Variants in SIK3 observed in about 807,000 individuals in gnomAD.
SIK3 encodes the protein SIK family kinase 3.
SIK3 carries 28 observed loss-of-function variants against 144.2 expected under a neutral mutation model. That is an observed-to-expected ratio of 0.19 (90% CI 0.14 to 0.27). The LOEUF is 0.27. SIK3 is among the 10% of genes least tolerant of loss of function. The probability of loss-of-function intolerance (pLI) is 1.00; values close to 1 mark genes in which losing one functional copy is unlikely to be tolerated. For missense variants in SIK3, 1,319 were observed against 1,776.0 expected (o/e 0.74, Z 4.62); for synonymous variants, 686 against 676.3 (o/e 1.01, Z -0.22).
At chr11:117,014,245 T>A (rs1951425443) in intron 1 of SIK3, among the ~76,000 whole-genome samples, 1 of 151,954 alleles carries the variant, frequency 6.6e-6, no homozygotes, top group South Asian at 2.1e-4. Context: ...CTTACATCTC[T>A]TAGTATCTAC....
intron 1 of SIK3, among the ~76,000 whole-genome samples, chr11:116,993,345 T>G (rs2135568048): frequency 6.6e-6 from 1 of 152,322 alleles, no homozygotes; most frequent in South Asian, 2.1e-4. Context: ...ATACAACACC[T>G]TACATTCCTA....
intron 1 of SIK3, among the ~76,000 whole-genome samples, chr11:117,012,660 AC>A (rs1200413242): frequency 6.6e-6 from 1 of 152,026 alleles, no homozygotes; most frequent in Non-Finnish European, 1.5e-5. Flanking sequence ...ATCCTAGCTC[AC>A]CCTGGTAGCC....
At chr11:116,881,328 C>T (rs968121130) in intron 6 of SIK3, among the ~76,000 whole-genome samples, 1 of 152,010 alleles carries the variant, frequency 6.6e-6, no homozygotes, top group African/African-American at 2.4e-5. Context: ...AGACGCCAAG[C>T]GGTCTCCGCA....
chr11:117,035,268 A>T (rs777393522), intron 1 of SIK3, among the ~76,000 whole-genome samples: 8 of 152,334 alleles, frequency 5.3e-5, no homozygotes, highest in Non-Finnish European at 8.8e-5. Context: ...GCAATGAGGA[A>T]ATGAGGAATT....
chr11:116,947,167 A>ATAT (rs1565486957), intron 3 of SIK3, among the ~76,000 whole-genome samples: 6 of 118,380 alleles, frequency 5.1e-5, no homozygotes, highest in Non-Finnish European at 8.1e-5. Context: ...ATTATATATA[A>ATAT]ATTATTATTT....
At chr11:116,914,557 A>G (rs1267714018) in intron 4 of SIK3, among the ~76,000 whole-genome samples, 1 of 152,332 alleles carries the variant, frequency 6.6e-6, no homozygotes, top group South Asian at 2.1e-4. Flanking sequence ...AAGGTGAACA[A>G]GACAGACATG....
chr11:116,968,773 G>A (rs917639280), intron 1 of SIK3, among the ~76,000 whole-genome samples: 3 of 152,148 alleles, frequency 2.0e-5, no homozygotes, highest in South Asian at 2.1e-4. Flanking sequence ...GGAAATTGTC[G>A]TAACTGTGTA....
intron 4 of SIK3, among the ~76,000 whole-genome samples, chr11:116,916,812 T>A (rs985175120): frequency 4.9e-4 from 71 of 146,106 alleles, no homozygotes; most frequent in Non-Finnish European, 8.5e-4. Flanking sequence ...AAAAAAAAAA[T>A]TTTTTTTTTA....
In SIK3 at chr11:117,056,811, G is replaced by A. The variant is rs1591625261; in HGVS notation, c.273+41332C>T. Among the ~76,000 whole-genome samples, 5 of 152,204 alleles carry A rather than the reference G, an allele frequency of 3.3e-5. No homozygotes were observed. In the South Asian group the frequency reaches 1.0e-3, roughly 31 times the overall value. ...CCAAGGATATACCTACAAATTCAAG[G>A]ATGGTCCACCTTTGGCAATATTGGT... On this transcript the variant is annotated intron_variant, in intron 1 of 24. Transcript: ENST00000445177.
intron 4 of SIK3, among the ~76,000 whole-genome samples, chr11:116,897,895 A>G (rs975851620): frequency 4.6e-5 from 7 of 151,826 alleles, no homozygotes; most frequent in African/African-American, 1.7e-4. Flanking sequence ...AAAAAAAAAA[A>G]GAATGCAAAT....
At chr11:116,918,604 G>A (rs1946794166) in intron 4 of SIK3, among the ~76,000 whole-genome samples, 1 of 152,134 alleles carries the variant, frequency 6.6e-6, no homozygotes, top group Non-Finnish European at 1.5e-5. Context: ...GTGAGTAAGA[G>A]GAATCTATGG....
chr11:117,046,990 C>T (rs1271302902), intron 1 of SIK3, among the ~76,000 whole-genome samples: 2 of 152,162 alleles, frequency 1.3e-5, no homozygotes, highest in African/African-American at 2.4e-5. Context: ...GTAACAGAAT[C>T]TTTTTTTCCT....
chr11:117,014,183 G>A (rs1244795029), intron 1 of SIK3, among the ~76,000 whole-genome samples: 1 of 151,146 alleles, frequency 6.6e-6, no homozygotes, highest in Non-Finnish European at 1.5e-5. Context: ...CTGATGCCAA[G>A]GGCCTTACTT....
intron 1 of SIK3, among the ~76,000 whole-genome samples, chr11:117,009,229 T>C (rs1951162558): frequency 9.3e-6 from 1 of 107,004 alleles, no homozygotes; most frequent in Non-Finnish European, 1.8e-5. Flanking sequence ...TGAGACACTG[T>C]CTCAAAAAAA....
chr11:117,095,015 C>A (rs531579069), intron 1 of SIK3, among the ~76,000 whole-genome samples: 1 of 152,082 alleles, frequency 6.6e-6, no homozygotes, highest in South Asian at 2.1e-4. Flanking sequence ...ATAGGAAAAG[C>A]TTCACTTTTC....
At position 116,858,133 on chromosome 11, in the gene SIK3, A is replaced by G. The variant is rs753241027; in HGVS notation, c.3332T>C (p.Leu1111Pro). ...GACACATTCTTGTGCCCTGATTTGT[A>G]GCAGATGCTGGGGGCTGGTGTGATG... ...YHHHTSPQHL[L>P]QIRAQECVSQ... Residue 1111 changes from leucine to proline, a missense_variant, in exon 21 of 25, where the codon CTA (leucine) becomes CCA (proline). By Grantham distance (98) the Leu-to-Pro change is moderately conservative. Coordinates refer to ENST00000445177, the MANE Select transcript of SIK3 (RefSeq NM_001366686.3). The surrounding 1 kb of genome is among the most constrained non-coding windows in gnomAD (Gnocchi z 5.4). 4 of 1,614,122 alleles carry G rather than the reference A, an allele frequency of 2.5e-6. No homozygotes were observed. Among genetic ancestry groups the G allele is most frequent in the Non-Finnish European group, 8.5e-7 (1 of 1,180,030 alleles).
Position 116,924,007 on chromosome 11 carries a change from C to T in SIK3, c.616+3212G>A, listed in dbSNP as rs150592919. ...ATATAAAATTTCCTTAACAGCCGGG[C>T]GTGGTGGCTCACGCCTATAATCCCA... On this transcript the variant is annotated intron_variant, in intron 4 of 24. Coordinates refer to ENST00000445177, the MANE Select transcript of SIK3 (RefSeq NM_001366686.3). Among the ~76,000 whole-genome samples the T allele has an allele frequency of 1.0e-3, 152 of 152,226 alleles. 2 individuals carry two copies. The East Asian group carries it at 0.027, about 27-fold the overall frequency.
chr11:117,063,291 G>A (rs752005394), intron 1 of SIK3, among the ~76,000 whole-genome samples: 2 of 152,134 alleles, frequency 1.3e-5, no homozygotes, highest in Non-Finnish European at 2.9e-5. Context: ...TAACTACACT[G>A]AAACCATAAA....
chr11:117,009,065 T>C (rs1355663486), intron 1 of SIK3, among the ~76,000 whole-genome samples: 6 of 151,472 alleles, frequency 4.0e-5, no homozygotes, highest in Admixed American at 3.9e-4. Flanking sequence ...CGAAACCCCA[T>C]CTCTACTAAA....
Sources: allele counts gnomAD v4.1 joint callset (sites outside exome capture counted in the v4.1 genomes callset), GRCh38; gene constraint gnomAD v4.1.1; non-coding constraint Gnocchi (gnomAD v3.1); transcripts MANE v1.5; gene names NCBI Gene and HGNC (gene_info 2026-07-23, HGNC 2026-07-21).